The following DSC1 variants were observed in gnomAD, a reference collection of about 807,000 sequenced individuals.
The protein encoded by DSC1 is desmocollin 1, also known as desmocollin-1.
DSC1 carries 79 observed loss-of-function variants against 98.8 expected under a neutral mutation model. The ratio of observed to expected loss-of-function variants is 0.80; its 90% CI spans 0.67 to 0.96. DSC1 has a LOEUF of 0.96. Among genes scored for constraint, DSC1 ranks in the 50% least tolerant of loss-of-function variants. DSC1 has a pLI of 0.00. For missense variants in DSC1, 1,115 were observed against 1,075.9 expected (o/e 1.04, Z -0.51); for synonymous variants, 405 against 372.1 (o/e 1.09, Z -1.02).
At position 31,162,756 on chromosome 18, in the gene DSC1, G is replaced by A. The variant is rs1412635427; in HGVS notation, c.-162C>T. The A allele has an allele frequency of 1.8e-5, 11 of 607,014 alleles. No individual in the cohort carries two copies. Among genetic ancestry groups the A allele is most frequent in the Non-Finnish European group, 3.3e-5 (11 of 337,146 alleles). 37.6% of individuals were successfully genotyped at this position (607,014 alleles called of 1,614,324 possible). On this transcript the variant is annotated 5_prime_UTR_variant, in exon 1 of 16. Coordinates refer to ENST00000257198, the MANE Select transcript of DSC1 (RefSeq NM_024421.2). ...ACAGTCCGGAGGCAAGTGATAAACAGTAGGAGGAGCAACGGGAGAATTTCT... is the reference window on the plus strand; with the variant it reads ...ACAGTCCGGAGGCAAGTGATAAACAATAGGAGGAGCAACGGGAGAATTTCT...
At chr18:31,132,784 A>G (rs1209036398) in intron 13 of DSC1, 95 bp from the exon 14 acceptor site, 3 of 1,175,340 alleles carry the variant, frequency 2.6e-6, no homozygotes, top group African/African-American at 3.1e-5. Flanking sequence ...CAAAAAATTC[A>G]TTCCACAAAT....
At chr18:31,161,084 C>A (rs536298026) in intron 1 of DSC1, among the ~76,000 whole-genome samples, 1 of 152,120 alleles carries the variant, frequency 6.6e-6, no homozygotes, top group South Asian at 2.1e-4. Flanking sequence ...CATGGTACAG[C>A]CTAGGTGTAT....
chr18:31,140,347 A>T (rs746168893), intron 9 of DSC1, 46 bp from the exon 10 acceptor site: 2 of 1,525,286 alleles, frequency 1.3e-6, no homozygotes, highest in Non-Finnish European at 1.8e-6. Context: ...AACATTATAT[A>T]TAAGACTTCT....
chr18:31,150,254 A>G (rs1280840686), intron 5 of DSC1, among the ~76,000 whole-genome samples: 1 of 136,192 alleles, frequency 7.3e-6, no homozygotes, highest in Non-Finnish European at 1.6e-5. Context: ...CACTACCACC[A>G]CCACCATCAT....
At chr18:31,157,286 C>T in intron 3 of DSC1, 85 bp downstream of exon 3, 1 of 1,376,740 alleles carries the variant, frequency 7.3e-7, no homozygotes, top group Non-Finnish European at 1.0e-6. Flanking sequence ...TAGATTTTAA[C>T]ATGAAACACG....
chr18:31,139,904 A>G lies in DSC1; in HGVS notation c.1521-14T>C, dbSNP rs200980589. The G allele has an allele frequency of 5.3e-5, 84 of 1,591,182 alleles. No individual in the cohort carries two copies. In the East Asian group the frequency reaches 1.8e-3, roughly 34 times the overall value. ...AACTTCTGATACCTAATTTTTAGAA[A>G]TCAAATATGAACGGTCAAATCAAAG... On this transcript the variant is annotated splice_polypyrimidine_tract_variant and intron_variant, in intron 10 of 15. Coordinates refer to ENST00000257198, the MANE Select transcript of DSC1 (RefSeq NM_024421.2).
At chr18:31,148,463 T>C (rs1402905787) in intron 6 of DSC1, 35 bp downstream of exon 6, 1 of 1,549,228 alleles carries the variant, frequency 6.5e-7, no homozygotes, top group African/African-American at 1.4e-5. Flanking sequence ...TGTCAAATAG[T>C]CTTCTTGTCA....
intron 11 of DSC1, among the ~76,000 whole-genome samples, chr18:31,138,215 T>A (rs1162198883): frequency 6.6e-6 from 1 of 152,146 alleles, no homozygotes; most frequent in Non-Finnish European, 1.5e-5. Flanking sequence ...AAAACAAAGT[T>A]ACTTTTTAAA....
chr18:31,149,716 C>A (rs1490999376), intron 5 of DSC1, among the ~76,000 whole-genome samples: 3 of 152,220 alleles, frequency 2.0e-5, no homozygotes, highest in East Asian at 3.9e-4. Context: ...CTAAATTAAC[C>A]ACAAAATCCT....
intron 5 of DSC1, among the ~76,000 whole-genome samples, chr18:31,152,176 A>AAT (rs1989014105): frequency 6.6e-6 from 1 of 151,940 alleles, no homozygotes; most frequent in African/African-American, 2.4e-5. Context: ...AAACAACAAA[A>AAT]AAAAACAAGA....
Position 31,159,501 on chromosome 18 carries a change from T to C in DSC1, c.92A>G (p.Gln31Arg), listed in dbSNP as rs1405595510. 1.2e-6 allele frequency: 2 copies of C among 1,605,168 alleles called. No individual in the cohort carries two copies. Among genetic ancestry groups the C allele is most frequent in the Non-Finnish European group, 1.7e-6 (2 of 1,177,426 alleles). ...LVLTLLCDAC[Q>R]KVYLRVPSHL... is the part of the protein sequence containing the mutation. Reference sequence around the variant, plus strand: ...AGAAGGAACTCGAAGATAAACTTTCTGACAAGCATCGCAAAGTAATGTTAA... The same window carrying C: ...AGAAGGAACTCGAAGATAAACTTTCCGACAAGCATCGCAAAGTAATGTTAA... Residue 31 changes from glutamine to arginine, a missense_variant, in exon 2 of 16, where the codon CAG becomes CGG. Coordinates refer to ENST00000257198, the MANE Select transcript of DSC1 (RefSeq NM_024421.2).
chr18:31,144,066 C>T (rs1394056268), intron 7 of DSC1, among the ~76,000 whole-genome samples: 1 of 151,978 alleles, frequency 6.6e-6, no homozygotes, highest in Admixed American at 6.6e-5. Flanking sequence ...CCCACCACCA[C>T]ACCCAGCTAA....
At chr18:31,160,876 ATGTG>A (rs903562843) in intron 1 of DSC1, among the ~76,000 whole-genome samples, 6 of 152,112 alleles carry the variant, frequency 3.9e-5, no homozygotes, top group African/African-American at 1.4e-4. Flanking sequence ...CTATATATGT[ATGTG>A]TATGTGTGTA....
chr18:31,134,907 C>T (rs1353679353), intron 11 of DSC1, 123 bp from the exon 12 acceptor site: 9 of 872,248 alleles, frequency 1.0e-5, no homozygotes, highest in Middle Eastern at 3.5e-4. Flanking sequence ...CGCATACATG[C>T]TTCCCAGATT....
intron 8 of DSC1, 111 bp from the exon 9 acceptor site, chr18:31,142,295 C>A: frequency 8.6e-7 from 1 of 1,158,316 alleles, no homozygotes; most frequent in Non-Finnish European, 1.2e-6. Context: ...GAAAAGCTGC[C>A]CTCACTATAT....
rs746831131 is a variant in DSC1, at chr18:31,154,899, T to C, written c.502A>G (p.Ile168Val). ...IQSDAAQNYTIFYSISGPGVD... is the reference protein window; with the variant it reads ...IQSDAAQNYTVFYSISGPGVD... ...CCTGGCCCACTTATGGAATAAAAGA[T>C]GGTGTAATTCTGTGCAGCATCAGAT... is the stretch of plus-strand genomic sequence containing the variant. Residue 168 changes from isoleucine to valine, a missense_variant, in exon 5 of 16, where the codon ATC becomes GTC. Physicochemically the swap from Ile to Val is conservative, Grantham distance 29. Transcript: ENST00000257198. The C allele has an allele frequency of 1.4e-5, 23 of 1,613,904 alleles. No homozygotes were observed. Among genetic ancestry groups the C allele is most frequent in the Non-Finnish European group, 1.9e-5 (22 of 1,179,982 alleles).
intron 6 of DSC1, among the ~76,000 whole-genome samples, chr18:31,148,080 C>A (rs1448738878): frequency 6.6e-6 from 1 of 151,986 alleles, no homozygotes; most frequent in Non-Finnish European, 1.5e-5. Context: ...GGGTATAGTC[C>A]CTTTTATACT....
chr18:31,160,095 A>G (rs187709356), intron 1 of DSC1, among the ~76,000 whole-genome samples: 1 of 152,316 alleles, frequency 6.6e-6, no homozygotes, highest in Non-Finnish European at 1.5e-5. Flanking sequence ...CACATGACTA[A>G]TCTAAAAAGA....
intron 7 of DSC1, among the ~76,000 whole-genome samples, chr18:31,144,286 G>A (rs1207869518): frequency 6.6e-6 from 1 of 152,154 alleles, no homozygotes; most frequent in Non-Finnish European, 1.5e-5. Flanking sequence ...TGGTACAATG[G>A]AAAGGTGATG....
Sources: gnomAD v4.1 joint callset for allele counts (sites outside exome capture counted in the v4.1 genomes callset) on GRCh38, gnomAD v4.1.1 for gene constraint, MANE v1.5 for transcripts, NCBI Gene and HGNC (gene_info 2026-07-23, HGNC 2026-07-21) for gene names.